Variants in EEFSEC observed in about 807,000 individuals in gnomAD.
EEFSEC encodes eukaryotic elongation factor, selenocysteine-tRNA specific.
A neutral mutation model predicts 42.1 loss-of-function variants in EEFSEC; 43 were observed. The observed-to-expected ratio is 1.02, with a 90% confidence interval of 0.80 to 1.32. The LOEUF is 1.32. EEFSEC is among the 40% of genes most tolerant of loss of function. The probability of loss-of-function intolerance (pLI) is 0.00; values close to 1 mark genes in which losing one functional copy is unlikely to be tolerated. For synonymous variants in EEFSEC, 354 were observed against 339.1 expected (o/e 1.04, Z -0.48); for missense variants, 745 against 803.6 (o/e 0.93, Z 0.88).
In EEFSEC at chr3:128,303,093, A is replaced by G. The variant is rs534014584; in HGVS notation, c.787-38140A>G. ...AAAATTGTGATTACTGCATCAAATG[A>G]TATATTGCTTTGCATTTTTTTAAAC... On this transcript the variant is annotated intron_variant, in intron 4 of 6. Transcript: ENST00000254730. 6.6e-5 allele frequency among the ~76,000 whole-genome samples: 10 copies of G among 152,248 alleles called. No individual in the cohort carries two copies. The South Asian group carries it at 1.2e-3, about 19-fold the overall frequency.
At chr3:128,403,941 G>A (rs771812494) in intron 6 of EEFSEC, among the ~76,000 whole-genome samples, 2 of 152,232 alleles carry the variant, frequency 1.3e-5, no homozygotes, top group Non-Finnish European at 2.9e-5. Flanking sequence ...TGAGTAAACT[G>A]CATGGGAGCT....
chr3:128,153,612 C>T lies in EEFSEC; in HGVS notation c.105C>T (p.Ala35=), dbSNP rs1339621649. Residue 35 remains alanine, a synonymous_variant, in exon 1 of 7, where the codon GCC becomes GCT. Coordinates refer to ENST00000254730, the MANE Select transcript of EEFSEC (RefSeq NM_021937.5). ...RALSTTASTA[A]FDKQPQSRER... ...TAAGCACCACAGCCTCCACCGCCGCCTTTGACAAGCAGCCGCAGAGCCGCG... is the reference window on the plus strand; with the variant it reads ...TAAGCACCACAGCCTCCACCGCCGCTTTTGACAAGCAGCCGCAGAGCCGCG... 1 of 1,596,336 alleles carries T rather than the reference C, an allele frequency of 6.3e-7. No individual in the cohort carries two copies. The highest frequency in any genetic ancestry group is 2.3e-5 in the East Asian group (1 of 44,140).
intron 1 of EEFSEC, among the ~76,000 whole-genome samples, chr3:128,203,184 A>G (rs1032193188): frequency 6.6e-6 from 1 of 152,228 alleles, no homozygotes; most frequent in African/African-American, 2.4e-5. Context: ...ACAATTTGTG[A>G]AACAGCAGGA....
At chr3:128,156,302 G>A (rs2107753867) in intron 1 of EEFSEC, among the ~76,000 whole-genome samples, 1 of 152,324 alleles carries the variant, frequency 6.6e-6, no homozygotes, top group East Asian at 1.9e-4. Flanking sequence ...AAGGAGCGTG[G>A]TGGTTACCAT....
intron 1 of EEFSEC, among the ~76,000 whole-genome samples, chr3:128,159,590 GGTC>G (rs888923656): frequency 6.6e-6 from 1 of 152,162 alleles, no homozygotes. Context: ...ATAGGACAAT[GGTC>G]TGGCTCTGCT....
chr3:128,342,166 T>C (rs1231993109), intron 5 of EEFSEC, among the ~76,000 whole-genome samples: 2 of 151,584 alleles, frequency 1.3e-5, no homozygotes, highest in Non-Finnish European at 2.9e-5. Flanking sequence ...ATTTACATGG[T>C]AGATGTGGCA....
chr3:128,289,239 G>A (rs184898840), intron 4 of EEFSEC, among the ~76,000 whole-genome samples: 1 of 152,310 alleles, frequency 6.6e-6, no homozygotes, highest in Non-Finnish European at 1.5e-5. Context: ...TCCTGGGACA[G>A]TTCCAAATAT....
chr3:128,368,574 C>A (rs2067617858), intron 6 of EEFSEC, among the ~76,000 whole-genome samples: 2 of 152,216 alleles, frequency 1.3e-5, no homozygotes, highest in African/African-American at 4.8e-5. Flanking sequence ...TAAAATCACT[C>A]CCTGGATGTG....
intron 6 of EEFSEC, among the ~76,000 whole-genome samples, chr3:128,376,916 C>T (rs1007673368): frequency 1.3e-5 from 2 of 152,166 alleles, no homozygotes; most frequent in Admixed American, 1.3e-4. Flanking sequence ...TTCCCTCTGT[C>T]ACCTGGGGGA....
intron 4 of EEFSEC, among the ~76,000 whole-genome samples, chr3:128,318,066 C>T (rs544175962): frequency 3.3e-5 from 5 of 152,234 alleles, no homozygotes; most frequent in Non-Finnish European, 7.3e-5. Flanking sequence ...ATACAACAGG[C>T]TCTGTGGACA....
intron 6 of EEFSEC, among the ~76,000 whole-genome samples, chr3:128,368,623 G>A (rs777343527): frequency 3.9e-5 from 6 of 152,208 alleles, no homozygotes; most frequent in Non-Finnish European, 8.8e-5. Flanking sequence ...GCCACTTCCC[G>A]GAAGCTTTCT....
intron 6 of EEFSEC, among the ~76,000 whole-genome samples, chr3:128,406,851 CACATATATAT>C (rs1306384748): frequency 6.0e-5 from 9 of 151,050 alleles, no homozygotes; most frequent in Admixed American, 1.3e-4. Flanking sequence ...TATATATATA[CACATATATAT>C]ACATATATAT....
intron 4 of EEFSEC, among the ~76,000 whole-genome samples, chr3:128,276,290 G>A (rs529358578): frequency 2.0e-5 from 3 of 152,284 alleles, no homozygotes; most frequent in Admixed American, 6.5e-5. Flanking sequence ...GGTCCACCCC[G>A]GGTCCCTGAA....
At chr3:128,417,708 G>A in the EEFSEC span, among the ~76,000 whole-genome samples, 4 of 152,132 alleles carry the variant, frequency 2.6e-5, no homozygotes, top group Non-Finnish European at 5.9e-5. The surrounding 1 kb of genome is among the most constrained non-coding windows in gnomAD (Gnocchi z 4.3). Flanking sequence ...AATTAAGTGA[G>A]TTGTTCCATG....
At chr3:128,416,905 C>T in the EEFSEC span, among the ~76,000 whole-genome samples, 5,959 of 152,174 alleles carry the variant, frequency 0.039, 374 homozygotes, top group African/African-American at 0.13. Context: ...TCATGGGAGG[C>T]CACACATTCC....
At chr3:128,268,680 A>G (rs1443680621) in intron 4 of EEFSEC, among the ~76,000 whole-genome samples, 2 of 152,092 alleles carry the variant, frequency 1.3e-5, no homozygotes, top group Non-Finnish European at 2.9e-5. Flanking sequence ...AGAGAAGTCC[A>G]TATAAAGACT....
Position 128,222,034 on chromosome 3 carries a change from T to TG in EEFSEC, c.317-24802_317-24801insG, listed in dbSNP as rs1559874648. 9.8e-5 allele frequency among the ~76,000 whole-genome samples: 14 copies of TG among 143,482 alleles called. No homozygotes were observed. The East Asian group carries it at 1.2e-3, about 12-fold the overall frequency. 94.1% of individuals were successfully genotyped at this position (143,482 alleles called of 152,430 possible). A position where few individuals can be genotyped will look rare whatever the true frequency, so the allele number is the denominator to read the frequency against. On this transcript the variant is annotated intron_variant, in intron 1 of 6. Transcript: ENST00000254730. ...CGTGTGTTTTTTCAAAGTTTTTTTT[T>TG]TTTTTTTTTTTTTTTTTGAGACAGA...
chr3:128,316,507 G>C (rs185584307), intron 4 of EEFSEC, among the ~76,000 whole-genome samples: 1 of 152,176 alleles, frequency 6.6e-6, no homozygotes, highest in Admixed American at 6.5e-5. Context: ...CCTTATGATC[G>C]ACAGGCACGT....
Position 128,246,983 on chromosome 3 carries a change from A to C in EEFSEC, c.464A>C (p.Lys155Thr). ...LNKIDLLPEG[K>T]RQAAIDKMTK... ...AAAATAGACCTCTTACCTGAAGGAA[A>C]GAGACAGGCAGCAATTGATAAAATG... The change falls in exon 2 of 7, where the codon AAG becomes ACG. Residue 155 changes from lysine to threonine, a missense_variant. By Grantham distance (78) the Lys-to-Thr change is moderately conservative. Transcript: ENST00000254730. 6.2e-7 allele frequency: 1 copy of C among 1,614,204 alleles called. No individual in the cohort carries two copies. Among genetic ancestry groups the C allele is most frequent in the Non-Finnish European group, 8.5e-7 (1 of 1,180,034 alleles).
Sources: allele counts gnomAD v4.1 joint callset (sites outside exome capture counted in the v4.1 genomes callset), GRCh38; gene constraint gnomAD v4.1.1; non-coding constraint Gnocchi (gnomAD v3.1); transcripts MANE v1.5; gene names NCBI Gene and HGNC (gene_info 2026-07-23, HGNC 2026-07-21).